NRXN3: variants seen among roughly 807,000 people sequenced by gnomAD.
The protein encoded by NRXN3 is neurexin 3, also known as neurexin III.
A neutral mutation model predicts 137.6 loss-of-function variants in NRXN3; 32 were observed. The ratio of observed to expected loss-of-function variants is 0.23; its 90% confidence interval spans 0.18 to 0.31. NRXN3 has a LOEUF of 0.31. Among genes scored for constraint, NRXN3 ranks in the 10% least tolerant of loss-of-function variants. The probability of loss-of-function intolerance (pLI) is 1.00; values close to 1 mark genes in which losing one functional copy is unlikely to be tolerated. For synonymous variants in NRXN3, 798 were observed against 784.5 expected (o/e 1.02, Z -0.29); for missense variants, 1,574 against 2,062.5 (o/e 0.76, Z 4.59).
At chr14:78,792,504 A>T (rs2098808853) in intron 8 of NRXN3, among the ~76,000 whole-genome samples, 1 of 152,160 alleles carries the variant, frequency 6.6e-6, no homozygotes, top group Non-Finnish European at 1.5e-5. Context: ...AGAAAACCTA[A>T]GTACTTCAAC....
At chr14:79,178,681 T>A (rs889121809) in intron 15 of NRXN3, among the ~76,000 whole-genome samples, 5 of 152,160 alleles carry the variant, frequency 3.3e-5, no homozygotes, top group Non-Finnish European at 7.4e-5. Flanking sequence ...GGGGATAGAT[T>A]AAAAATACAA....
chr14:78,172,242 A>G (rs1261108837), intron 1 of NRXN3, among the ~76,000 whole-genome samples: 1 of 152,124 alleles, frequency 6.6e-6, no homozygotes, highest in Non-Finnish European at 1.5e-5. Flanking sequence ...CTTGGTACCC[A>G]GGATAGTCTA....
intron 15 of NRXN3, among the ~76,000 whole-genome samples, chr14:79,240,553 C>A (rs73325767): frequency 0.025 from 3,766 of 150,700 alleles, 155 homozygotes; most frequent in African/African-American, 0.089. Flanking sequence ...CCACTAGCAT[C>A]CTTGACAGTC....
intron 15 of NRXN3, among the ~76,000 whole-genome samples, chr14:79,111,141 A>G (rs1390629903): frequency 6.6e-6 from 1 of 152,162 alleles, no homozygotes; most frequent in Non-Finnish European, 1.5e-5. Context: ...GAGAAGGGAA[A>G]AAGGAGTAAG....
intron 16 of NRXN3, among the ~76,000 whole-genome samples, chr14:79,471,602 T>C (rs2096508651): frequency 6.6e-6 from 1 of 152,202 alleles, no homozygotes; most frequent in Non-Finnish European, 1.5e-5. Flanking sequence ...ATCCTTCTCA[T>C]ACCAGCCTAA....
chr14:78,860,081 A>G (rs903151760), intron 10 of NRXN3, among the ~76,000 whole-genome samples: 4 of 152,156 alleles, frequency 2.6e-5, no homozygotes, highest in African/African-American at 9.7e-5. Flanking sequence ...GTAATATGCT[A>G]TTATTAGCCC....
Position 78,243,373 on chromosome 14 carries a change from G to A in NRXN3, c.280G>A (p.Ala94Thr). 10 of 1,563,530 alleles carry A rather than the reference G, an allele frequency of 6.4e-6. No individual in the cohort carries two copies. The highest frequency in any genetic ancestry group is 8.6e-6 in the Non-Finnish European group (10 of 1,162,226). Residue 94 changes from alanine to threonine, a missense_variant, in exon 2 of 21, where the codon GCC (alanine) becomes ACC (threonine). Transcript: ENST00000335750. This position sits in a 1 kb window ranked among gnomAD's most constrained non-coding sequence, Gnocchi z 4.2. Reference protein sequence around the residue: ...RVQLRFSMDCAETAVLSNKQV... With the variant: ...RVQLRFSMDCTETAVLSNKQV... ...TCAGCTCCGCTTCAGCATGGACTGT[G>A]CCGAGACTGCCGTGCTGTCCAACAA... is the stretch of plus-strand genomic sequence containing the variant.
At chr14:79,433,551 C>A (rs80026029) in intron 15 of NRXN3, among the ~76,000 whole-genome samples, 4,281 of 152,154 alleles carry the variant, frequency 0.028, 197 homozygotes, top group African/African-American at 0.098. Context: ...CAGTGGGACC[C>A]CAATTCTCTT....
intron 4 of NRXN3, among the ~76,000 whole-genome samples, chr14:78,399,611 T>G (rs937232833): frequency 2.0e-5 from 3 of 152,232 alleles, no homozygotes; most frequent in African/African-American, 7.2e-5. Flanking sequence ...AGCCTCTAAC[T>G]ACTCTGCTCT....
At chr14:79,257,366 G>A (rs1597921208) in intron 15 of NRXN3, among the ~76,000 whole-genome samples, 5 of 121,272 alleles carry the variant, frequency 4.1e-5, no homozygotes, top group South Asian at 2.8e-4. Flanking sequence ...TGGTGGTGGT[G>A]GTGGTGGTGG....
At chr14:79,158,060 G>A (rs2060417339) in intron 15 of NRXN3, among the ~76,000 whole-genome samples, 1 of 151,704 alleles carries the variant, frequency 6.6e-6, no homozygotes, top group African/African-American at 2.4e-5. Context: ...CCATTAAGAA[G>A]ATAATAATTT....
At chr14:79,058,127 G>A (rs1369469780) in intron 15 of NRXN3, among the ~76,000 whole-genome samples, 1 of 152,076 alleles carries the variant, frequency 6.6e-6, no homozygotes, top group African/African-American at 2.4e-5. Flanking sequence ...GAAGGGGTCA[G>A]TAGAGAGTTG....
intron 16 of NRXN3, among the ~76,000 whole-genome samples, chr14:79,659,308 C>A (rs549520546): frequency 6.6e-4 from 100 of 151,970 alleles, no homozygotes; most frequent in Admixed American, 2.3e-3. Context: ...GTCTTGGTAG[C>A]AACTTTAGTG....
chr14:79,465,285 G>A (rs1002562332), intron 15 of NRXN3, among the ~76,000 whole-genome samples: 1 of 152,144 alleles, frequency 6.6e-6, no homozygotes, highest in Non-Finnish European at 1.5e-5. Context: ...TTTGTGGATG[G>A]TAGGAAGTAA....
intron 15 of NRXN3, among the ~76,000 whole-genome samples, chr14:79,098,921 A>T (rs1043756987): frequency 6.6e-6 from 1 of 152,194 alleles, no homozygotes; most frequent in Non-Finnish European, 1.5e-5. Flanking sequence ...CCTCCAGTAG[A>T]GTTCTCCTTA....
chr14:78,373,903 A>G (rs1477739292), intron 4 of NRXN3, among the ~76,000 whole-genome samples: 1 of 152,212 alleles, frequency 6.6e-6, no homozygotes, highest in Non-Finnish European at 1.5e-5. Context: ...TGCTAACTTG[A>G]GCTACCAGAA....
intron 15 of NRXN3, among the ~76,000 whole-genome samples, chr14:79,283,562 C>T (rs2081649330): frequency 6.6e-6 from 1 of 152,052 alleles, no homozygotes; most frequent in South Asian, 2.1e-4. Flanking sequence ...AGCCTTTATC[C>T]CAGGACAGCC....
At chr14:79,601,636 G>A (rs2543571) in intron 16 of NRXN3, among the ~76,000 whole-genome samples, 8 of 151,696 alleles carry the variant, frequency 5.3e-5, no homozygotes, top group Admixed American at 3.9e-4. Flanking sequence ...CAGACTACAC[G>A]GCCAGTGCCC....
chr14:78,684,722 A>G (rs2098110758), intron 6 of NRXN3, among the ~76,000 whole-genome samples: 1 of 152,200 alleles, frequency 6.6e-6, no homozygotes, highest in Non-Finnish European at 1.5e-5. Flanking sequence ...TGAGCCCACA[A>G]GTTCGAGGCT....
Sources: gnomAD v4.1 joint callset for allele counts (sites outside exome capture counted in the v4.1 genomes callset) on GRCh38, gnomAD v4.1.1 for gene constraint, Gnocchi (gnomAD v3.1) non-coding constraint, MANE v1.5 for transcripts, NCBI Gene and HGNC (gene_info 2026-07-23, HGNC 2026-07-21) for gene names.